Variants in KCNJ6 observed in about 807,000 individuals in gnomAD.
KCNJ6 encodes the protein G protein-activated inward rectifier potassium channel 2.
KCNJ6 carries 9 observed loss-of-function variants against 34.2 expected under a neutral mutation model. The ratio of observed to expected loss-of-function variants is 0.26; its 90% CI spans 0.16 to 0.46. The LOEUF is 0.46. KCNJ6 is among the 20% of genes least tolerant of loss of function. The probability of loss-of-function intolerance (pLI) is 1.00; values close to 1 mark genes in which losing one functional copy is unlikely to be tolerated. For missense variants in KCNJ6, 236 were observed against 531.3 expected (o/e 0.44, Z 5.46); for synonymous variants, 196 against 207.1 (o/e 0.95, Z 0.46).
intron 3 of KCNJ6, among the ~76,000 whole-genome samples, chr21:37,636,004 C>T (rs959783520): frequency 2.0e-5 from 3 of 152,176 alleles, no homozygotes; most frequent in Non-Finnish European, 2.9e-5. Flanking sequence ...TAACTATTCA[C>T]GTATTTGGTG....
intron 1 of KCNJ6, among the ~76,000 whole-genome samples, chr21:37,890,111 TA>T (rs1465671925): frequency 6.6e-6 from 1 of 152,178 alleles, no homozygotes; most frequent in Non-Finnish European, 1.5e-5. Flanking sequence ...GGGTAATTTA[TA>T]AAGGAAAGAG....
intron 2 of KCNJ6, among the ~76,000 whole-genome samples, chr21:37,749,875 C>G (rs2054986332): frequency 6.6e-6 from 1 of 152,128 alleles, no homozygotes; most frequent in South Asian, 2.1e-4. Context: ...CGTCAAAGGG[C>G]AGTAATCATA....
intron 2 of KCNJ6, among the ~76,000 whole-genome samples, chr21:37,839,791 A>C (rs1195549333): frequency 6.6e-6 from 1 of 152,086 alleles, no homozygotes; most frequent in African/African-American, 2.4e-5. Context: ...AATAAATTCC[A>C]CTTTCCTTTT....
At chr21:37,666,450 C>T (rs370517809) in intron 3 of KCNJ6, among the ~76,000 whole-genome samples, 55 of 152,100 alleles carry the variant, frequency 3.6e-4, no homozygotes, top group African/African-American at 1.3e-3. Flanking sequence ...CAGCAAGTCA[C>T]CTTGCCTCTC....
rs116086820 is a variant in KCNJ6, at chr21:37,680,798, A to G, written c.946+33413T>C. ...AACTGTGTGAGCCAATGCTTGTAATAAATCATGTATATTTGTATCTGCATA... is the reference window on the plus strand; with the variant it reads ...AACTGTGTGAGCCAATGCTTGTAATGAATCATGTATATTTGTATCTGCATA... On this transcript the variant is annotated intron_variant, in intron 3 of 3. Transcript: ENST00000609713. 8.7e-4 allele frequency among the ~76,000 whole-genome samples: 133 copies of G among 152,306 alleles called. 2 individuals are homozygous for G. Among genetic ancestry groups the G allele is most frequent in the African/African-American group, 3.1e-3 (129 of 41,554 alleles).
rs2054274813 is a variant in KCNJ6, at chr21:37,617,169, T to TTCC, written c.*7989_*7990insGGA. The TTCC allele has an allele frequency of 2.2e-3, 202 of 93,952 alleles. 2 individuals are homozygous for TTCC. Among genetic ancestry groups the TTCC allele is most frequent in the African/African-American group, 8.6e-3 (193 of 22,502 alleles). 5.8% of individuals were successfully genotyped at this position (93,952 alleles called of 1,614,324 possible). On this transcript the variant is annotated 3_prime_UTR_variant, in exon 4 of 4. Transcript: ENST00000609713. ...CTTCCTTCCTTCTTTCTTTATCTTTTTTCCTTCCTTCCTTCCTTCCTTCCT... is the reference window on the plus strand; with the variant it reads ...CTTCCTTCCTTCTTTCTTTATCTTTTTCCTTCCTTCCTTCCTTCCTTCCTTCCT...
rs1347155904 is a variant in KCNJ6 at position 37,621,843 on chromosome 21, C to G, written c.*3316G>C. 6.6e-6 allele frequency: 1 copy of G among 152,176 alleles called. No homozygotes were observed. The highest frequency in any genetic ancestry group is 1.5e-5 in the Non-Finnish European group (1 of 68,030). 9.4% of individuals were successfully genotyped at this position (152,176 alleles called of 1,614,324 possible). ...GGCTGGAAGGCCATGTTTGAAGGAA[C>G]AGAAAAGTTGACATTTGCTATGTTA... is the stretch of plus-strand genomic sequence containing the variant. On this transcript the variant is annotated 3_prime_UTR_variant, in exon 4 of 4. Transcript: ENST00000609713.
chr21:37,783,619 C>A (rs1045200531), intron 2 of KCNJ6, among the ~76,000 whole-genome samples: 1 of 152,232 alleles, frequency 6.6e-6, no homozygotes, highest in Non-Finnish European at 1.5e-5. Flanking sequence ...TGCCAGCCTG[C>A]AACCTGAATA....
At chr21:37,811,083 T>C (rs747051010) in intron 2 of KCNJ6, among the ~76,000 whole-genome samples, 1 of 152,158 alleles carries the variant, frequency 6.6e-6, no homozygotes, top group Non-Finnish European at 1.5e-5. Flanking sequence ...TAATCAATCA[T>C]GCCTCCATTA....
chr21:37,854,838 C>A (rs2055556626), intron 1 of KCNJ6, among the ~76,000 whole-genome samples: 1 of 152,200 alleles, frequency 6.6e-6, no homozygotes, highest in Non-Finnish European at 1.5e-5. Flanking sequence ...GTGTATGCAA[C>A]AAACAACAGA....
intron 3 of KCNJ6, among the ~76,000 whole-genome samples, chr21:37,627,130 C>T (rs529537067): frequency 5.9e-5 from 9 of 152,194 alleles, no homozygotes; most frequent in Non-Finnish European, 1.2e-4. Flanking sequence ...TGCAGCACTG[C>T]ATTTGCTCCT....
At chr21:37,809,657 C>T (rs1255584882) in intron 2 of KCNJ6, among the ~76,000 whole-genome samples, 1 of 152,130 alleles carries the variant, frequency 6.6e-6, no homozygotes, top group Non-Finnish European at 1.5e-5. Context: ...GTAAAAATCT[C>T]AGTATCTGGG....
At chr21:37,816,308 T>C (rs2055346685) in intron 2 of KCNJ6, among the ~76,000 whole-genome samples, 1 of 152,122 alleles carries the variant, frequency 6.6e-6, no homozygotes, top group African/African-American at 2.4e-5. Flanking sequence ...AACTCAAAAA[T>C]CCCTAGTAGG....
At chr21:37,750,447 C>G (rs1755560054) in intron 2 of KCNJ6, among the ~76,000 whole-genome samples, 1 of 152,196 alleles carries the variant, frequency 6.6e-6, no homozygotes, top group African/African-American at 2.4e-5. Flanking sequence ...TATTGCAGCA[C>G]TATTCACAAC....
At chr21:37,806,288 G>A in intron 2 of KCNJ6, among the ~76,000 whole-genome samples, 1 of 152,196 alleles carries the variant, frequency 6.6e-6, no homozygotes, top group East Asian at 1.9e-4. Context: ...TTAATGAAAG[G>A]AGATAGGAAA....
chr21:37,892,710 T>C (rs1389196987), intron 1 of KCNJ6, among the ~76,000 whole-genome samples: 2 of 152,192 alleles, frequency 1.3e-5, no homozygotes, highest in East Asian at 1.9e-4. Context: ...TTAGGATGTC[T>C]ATGGCAACCC....
intron 3 of KCNJ6, among the ~76,000 whole-genome samples, chr21:37,628,090 T>C (rs1372796926): frequency 6.6e-6 from 1 of 152,194 alleles, no homozygotes; most frequent in Non-Finnish European, 1.5e-5. Context: ...TACTACATTA[T>C]ATTACTTAAA....
At chr21:37,881,838 T>G (rs1235068396) in intron 1 of KCNJ6, among the ~76,000 whole-genome samples, 1 of 152,142 alleles carries the variant, frequency 6.6e-6, no homozygotes, top group African/African-American at 2.4e-5. Context: ...ACATGAACAT[T>G]CAGTCTACAG....
At chr21:37,888,734 C>T (rs1438149921) in intron 1 of KCNJ6, among the ~76,000 whole-genome samples, 2 of 152,182 alleles carry the variant, frequency 1.3e-5, no homozygotes, top group Non-Finnish European at 2.9e-5. Flanking sequence ...AGATCTGCAC[C>T]TCATTTGTTC....
Sources: allele counts gnomAD v4.1 joint callset (sites outside exome capture counted in the v4.1 genomes callset), GRCh38; gene constraint gnomAD v4.1.1; transcripts MANE v1.5; gene names NCBI Gene and HGNC (gene_info 2026-07-23, HGNC 2026-07-21).